HCN1: variants seen among roughly 807,000 people sequenced by gnomAD.
HCN1 encodes the protein hyperpolarization activated cyclic nucleotide gated potassium channel 1, also known as potassium/sodium hyperpolarization-activated cyclic nucleotide-gated channel 1.
A neutral mutation model predicts 78.9 loss-of-function variants in HCN1; 13 were observed. The ratio of observed to expected loss-of-function variants is 0.16; its 90% CI spans 0.11 to 0.26. The LOEUF is 0.26. HCN1 is among the 10% of genes least tolerant of loss of function. The pLI is 1.00. For missense variants in HCN1, 810 were observed against 1,154.3 expected (o/e 0.70, Z 4.32); for synonymous variants, 552 against 455.5 (o/e 1.21, Z -2.70).
At chr5:45,606,655 G>A (rs888433357) in intron 2 of HCN1, among the ~76,000 whole-genome samples, 1 of 151,774 alleles carries the variant, frequency 6.6e-6, no homozygotes, top group African/African-American at 2.4e-5. Flanking sequence ...TCTAGGCCTG[G>A]CTTTGGAAAG....
At chr5:45,328,145 T>G (rs1035636588) in intron 5 of HCN1, among the ~76,000 whole-genome samples, 4 of 151,684 alleles carry the variant, frequency 2.6e-5, no homozygotes, top group Admixed American at 6.6e-5. Context: ...TCAGAACACA[T>G]TTCTGTTCAT....
chr5:45,580,030 G>A (rs911023072), intron 2 of HCN1, among the ~76,000 whole-genome samples: 11 of 152,114 alleles, frequency 7.2e-5, no homozygotes, highest in African/African-American at 1.9e-4. Flanking sequence ...TACTGGAGTC[G>A]CCTATTCAAA....
At chr5:45,277,949 G>A (rs894571923) in intron 6 of HCN1, among the ~76,000 whole-genome samples, 1 of 152,122 alleles carries the variant, frequency 6.6e-6, no homozygotes, top group Non-Finnish European at 1.5e-5. Context: ...GCATCACTGT[G>A]GTTTCCTGAT....
At chr5:45,466,696 T>C (rs1271996435) in intron 2 of HCN1, among the ~76,000 whole-genome samples, 1 of 152,194 alleles carries the variant, frequency 6.6e-6, no homozygotes, top group Admixed American at 6.5e-5. Flanking sequence ...TATGTAATAG[T>C]CCTAATCAAT....
In HCN1 at chr5:45,376,251, A is replaced by AGAATTCTATATAATATATG. The variant is rs1554021620; in HGVS notation, c.1230+20240_1230+20241insCATATATTATATAGAATTC. Among the ~76,000 whole-genome samples the AGAATTCTATATAATATATG allele has an allele frequency of 5.1e-4, 21 of 40,856 alleles. 2 individuals are homozygous for AGAATTCTATATAATATATG. Among genetic ancestry groups the AGAATTCTATATAATATATG allele is most frequent in the African/African-American group, 2.3e-3 (21 of 8,940 alleles). 26.8% of individuals were successfully genotyped at this position (40,856 alleles called of 152,430 possible). On this transcript the variant is annotated intron_variant, in intron 4 of 7. Coordinates refer to ENST00000303230, the MANE Select transcript of HCN1 (RefSeq NM_021072.4). Reference sequence around the variant, plus strand: ...AATATATATTCTATATATTCTATATAGAATATAGAATATATATTCTATATA... The same window carrying AGAATTCTATATAATATATG: ...AATATATATTCTATATATTCTATATAGAATTCTATATAATATATGGAATATAGAATATATATTCTATATA...
intron 2 of HCN1, among the ~76,000 whole-genome samples, chr5:45,473,469 A>T (rs954529530): frequency 8.6e-5 from 13 of 151,918 alleles, no homozygotes; most frequent in Admixed American, 5.9e-4. Flanking sequence ...TCATTTACAA[A>T]TATCTACACT....
chr5:45,683,746 C>T (rs905933552), intron 1 of HCN1, among the ~76,000 whole-genome samples: 27 of 152,012 alleles, frequency 1.8e-4, no homozygotes, highest in African/African-American at 5.8e-4. Context: ...TCTTGGCTCA[C>T]TGAAGCCTCA....
chr5:45,350,253 A>G (rs1224532969), intron 5 of HCN1, among the ~76,000 whole-genome samples: 2 of 152,178 alleles, frequency 1.3e-5, no homozygotes, highest in Non-Finnish European at 2.9e-5. Flanking sequence ...CCAGCAAATA[A>G]ACAGAACCAA....
At chr5:45,533,337 C>T (rs1240476432) in intron 2 of HCN1, among the ~76,000 whole-genome samples, 1 of 152,188 alleles carries the variant, frequency 6.6e-6, no homozygotes, top group African/African-American at 2.4e-5. Flanking sequence ...AAATCTTAGA[C>T]TCCAAGTCAG....
intron 3 of HCN1, among the ~76,000 whole-genome samples, chr5:45,435,167 T>C (rs963537350): frequency 6.6e-6 from 1 of 152,092 alleles, no homozygotes; most frequent in Non-Finnish European, 1.5e-5. Flanking sequence ...ATTTATATAC[T>C]TATCATCAAA....
intron 3 of HCN1, among the ~76,000 whole-genome samples, chr5:45,420,865 G>A (rs1740212904): frequency 6.6e-6 from 1 of 152,100 alleles, no homozygotes; most frequent in South Asian, 2.1e-4. Context: ...AACCAGGTAA[G>A]GCTCTAATTC....
chr5:45,319,388 A>G (rs1746074422), intron 5 of HCN1, among the ~76,000 whole-genome samples: 1 of 151,908 alleles, frequency 6.6e-6, no homozygotes, highest in Admixed American at 6.6e-5. Context: ...GGGTAAGTCG[A>G]CATATCTGAC....
chr5:45,594,722 T>C (rs1448347115), intron 2 of HCN1, among the ~76,000 whole-genome samples: 1 of 152,228 alleles, frequency 6.6e-6, no homozygotes, highest in African/African-American at 2.4e-5. Flanking sequence ...TTTACCATAA[T>C]TGCATAAGGA....
Position 45,695,658 on chromosome 5 carries a change from G to C in HCN1, c.425+11C>G, listed in dbSNP as rs557245545. 19 of 1,610,726 alleles carry C rather than the reference G, an allele frequency of 1.2e-5. 1 individual carries two copies. In the South Asian group the frequency reaches 1.8e-4, roughly 15 times the overall value. ...TGAAGGGAGGGTGGGGCGGCGACCG[G>C]GAGCCCTCACCTGAAATCACTGTAA... is the stretch of plus-strand genomic sequence containing the variant. On this transcript the variant is annotated intron_variant, in intron 1 of 7. Transcript: ENST00000303230.
chr5:45,678,253 G>A (rs1461886999), intron 1 of HCN1, among the ~76,000 whole-genome samples: 1 of 151,914 alleles, frequency 6.6e-6, no homozygotes, highest in African/African-American at 2.4e-5. Context: ...AGTCTCAGAG[G>A]TACAACGGTA....
chr5:45,547,961 A>T (rs1421014337), intron 2 of HCN1, among the ~76,000 whole-genome samples: 2 of 151,910 alleles, frequency 1.3e-5, no homozygotes, highest in African/African-American at 4.8e-5. Context: ...ATGATTTTTC[A>T]AATCACTATT....
rs1217597952 is a variant in HCN1 at position 45,411,989 on chromosome 5, T to A, written c.1012-15279A>T. On this transcript the variant is annotated intron_variant, in intron 3 of 7. Transcript: ENST00000303230. ...TGGCAGACTAACTTTAAGGAATATA[T>A]CCAGACAGATCATAAAGGTGTCTTG... Among the ~76,000 whole-genome samples the A allele has an allele frequency of 2.0e-5, 3 of 152,092 alleles. No homozygotes were observed. The South Asian group carries it at 6.2e-4, about 31-fold the overall frequency.
intron 5 of HCN1, among the ~76,000 whole-genome samples, chr5:45,335,650 T>A (rs1476856602): frequency 6.6e-6 from 1 of 152,090 alleles, no homozygotes; most frequent in Non-Finnish European, 1.5e-5. Context: ...CCCTAAAATA[T>A]AACAGCTGTA....
chr5:45,613,251 G>A (rs1030189003), intron 2 of HCN1, among the ~76,000 whole-genome samples: 6 of 148,636 alleles, frequency 4.0e-5, no homozygotes, highest in South Asian at 2.1e-4. Flanking sequence ...GAGAATATGC[G>A]GTGTTTGGTA....
Sources: allele counts gnomAD v4.1 joint callset (sites outside exome capture counted in the v4.1 genomes callset), GRCh38; gene constraint gnomAD v4.1.1; transcripts MANE v1.5; gene names NCBI Gene and HGNC (gene_info 2026-07-23, HGNC 2026-07-21).